Variants in CAPZB observed in about 807,000 individuals in gnomAD.
CAPZB encodes the protein F-actin-capping protein subunit beta.
CAPZB carries 2 observed loss-of-function variants against 38.1 expected under a neutral mutation model. The ratio of observed to expected loss-of-function variants is 0.05; its 90% CI spans 0.02 to 0.17. The LOEUF (loss-of-function observed/expected upper bound fraction) is 0.17, where lower values mean the gene tolerates loss of function less well. Ranked by LOEUF, CAPZB falls within the 10% of genes least tolerant of loss-of-function variation. The probability of loss-of-function intolerance (pLI) is 1.00; values close to 1 mark genes in which losing one functional copy is unlikely to be tolerated. For synonymous variants in CAPZB, 107 were observed against 127.4 expected (o/e 0.84, Z 1.08); for missense variants, 161 against 334.2 (o/e 0.48, Z 4.04).
intron 2 of CAPZB, among the ~76,000 whole-genome samples, chr1:19,388,693 G>C (rs1488278506): frequency 6.6e-6 from 1 of 152,226 alleles, no homozygotes; most frequent in African/African-American, 2.4e-5. Context: ...TTGGTGGAAA[G>C]AGTGAGAACT....
intron 1 of CAPZB, among the ~76,000 whole-genome samples, chr1:19,441,702 C>A (rs923932695): frequency 9.2e-5 from 14 of 151,544 alleles, no homozygotes; most frequent in Non-Finnish European, 1.6e-4. Context: ...ACAGCAGCAC[C>A]AAGCGGCTCA....
intron 1 of CAPZB, among the ~76,000 whole-genome samples, chr1:19,427,432 C>T (rs957956125): frequency 5.9e-5 from 9 of 152,316 alleles, no homozygotes; most frequent in Non-Finnish European, 1.3e-4. Flanking sequence ...GAATGACTTA[C>T]CACAAATTTA....
chr1:19,450,161 A>G (rs1179017856), intron 1 of CAPZB, among the ~76,000 whole-genome samples: 1 of 132,606 alleles, frequency 7.5e-6, no homozygotes, highest in African/African-American at 2.9e-5. Flanking sequence ...AAAAAAAAAA[A>G]AAAAAAAAGA....
In CAPZB at chr1:19,400,411, C is replaced by T. The variant is rs1194845701; in HGVS notation, c.94-14785G>A. ...ACATCAGGGAAGCAGACTGAGCGTG[C>T]CATGCCCTCCTCAAGTATTTTTAAC... is the stretch of plus-strand genomic sequence containing the variant. On this transcript the variant is annotated intron_variant, in intron 2 of 8. Transcript: ENST00000264202. Among the ~76,000 whole-genome samples, 11 of 152,310 alleles carry T rather than the reference C, an allele frequency of 7.2e-5. No individual in the cohort carries two copies. In the East Asian group the frequency reaches 9.7e-4, roughly 13 times the overall value.
intron 2 of CAPZB, among the ~76,000 whole-genome samples, chr1:19,387,564 T>C (rs1322690073): frequency 6.6e-6 from 1 of 152,216 alleles, no homozygotes; most frequent in Non-Finnish European, 1.5e-5. Flanking sequence ...GGCTTATCTG[T>C]TGGGCCTCAA....
intron 1 of CAPZB, among the ~76,000 whole-genome samples, chr1:19,451,763 C>CTATG (rs2094516937): frequency 6.6e-6 from 1 of 151,898 alleles, no homozygotes; most frequent in African/African-American, 2.4e-5. Flanking sequence ...TTATTATGGC[C>CTATG]TCCACCTCTC....
chr1:19,397,114 T>C (rs919321164), intron 2 of CAPZB, among the ~76,000 whole-genome samples: 6 of 152,210 alleles, frequency 3.9e-5, no homozygotes, highest in African/African-American at 1.4e-4. Context: ...GTCCTCTCGT[T>C]TAAGTGAAAA....
chr1:19,469,302 T>C (rs1438462778), intron 1 of CAPZB, among the ~76,000 whole-genome samples: 2 of 152,224 alleles, frequency 1.3e-5, no homozygotes, highest in Non-Finnish European at 1.5e-5. Context: ...GATGACTATA[T>C]GTTTATTTCA....
chr1:19,432,303 G>T (rs1291551111), intron 1 of CAPZB, among the ~76,000 whole-genome samples: 1 of 151,926 alleles, frequency 6.6e-6, no homozygotes, highest in East Asian at 1.9e-4. Flanking sequence ...TTAGCCAGGC[G>T]TGGTGGTGTA....
Position 19,398,682 on chromosome 1 carries a change from T to C in CAPZB, c.94-13056A>G, listed in dbSNP as rs143674606. Among the ~76,000 whole-genome samples the C allele has an allele frequency of 1.0e-3, 153 of 151,714 alleles. 1 individual carries two copies. Among genetic ancestry groups the C allele is most frequent in the Non-Finnish European group, 1.0e-3 (71 of 67,926 alleles). The stretch of plus-strand genomic sequence containing the variant: ...TGCTGTAATTTCACTGAGTCACCCA[T>C]AGAAACGACCAAGCAGGGGAGACTG... On this transcript the variant is annotated intron_variant, in intron 2 of 8. Transcript: ENST00000264202.
At chr1:19,475,282 T>C (rs2094602976) in intron 1 of CAPZB, among the ~76,000 whole-genome samples, 1 of 152,216 alleles carries the variant, frequency 6.6e-6, no homozygotes, top group South Asian at 2.1e-4. Context: ...CCCTGGTCTA[T>C]ACATCTTGGA....
chr1:19,401,656 T>A (rs1325569344), intron 2 of CAPZB, among the ~76,000 whole-genome samples: 1 of 152,210 alleles, frequency 6.6e-6, no homozygotes, highest in Non-Finnish European at 1.5e-5. Context: ...GCTCTTCTGG[T>A]GTTTTAAGGC....
chr1:19,438,866 C>A (rs2094466737), intron 1 of CAPZB, among the ~76,000 whole-genome samples: 1 of 152,210 alleles, frequency 6.6e-6, no homozygotes, highest in South Asian at 2.1e-4. Context: ...TAGGAACGGT[C>A]GCTCCCTCCC....
At chr1:19,394,577 C>T (rs572369180) in intron 2 of CAPZB, among the ~76,000 whole-genome samples, 6 of 152,210 alleles carry the variant, frequency 3.9e-5, no homozygotes, top group African/African-American at 1.4e-4. Context: ...AAAAATTAGC[C>T]GGGCGTGGTG....
At chr1:19,454,287 T>C (rs1014893578) in intron 1 of CAPZB, among the ~76,000 whole-genome samples, 1 of 152,164 alleles carries the variant, frequency 6.6e-6, no homozygotes, top group East Asian at 1.9e-4. Context: ...GTCCCTCAGG[T>C]GGGCTGAAGA....
At chr1:19,481,751 G>A (rs1162472536) in intron 1 of CAPZB, among the ~76,000 whole-genome samples, 1 of 152,140 alleles carries the variant, frequency 6.6e-6, no homozygotes, top group Middle Eastern at 3.2e-3. Flanking sequence ...ACCCCAAAAG[G>A]CCTGGGAGTG....
intron 2 of CAPZB, among the ~76,000 whole-genome samples, chr1:19,398,531 C>T (rs1054646008): frequency 2.6e-5 from 4 of 152,134 alleles, no homozygotes; most frequent in Admixed American, 6.5e-5. Context: ...AGTGGGGGAG[C>T]GGGTGCTAAG....
intron 1 of CAPZB, among the ~76,000 whole-genome samples, chr1:19,442,955 ATCCTATCAG>A (rs2094483355): frequency 6.6e-6 from 1 of 152,166 alleles, no homozygotes; most frequent in Non-Finnish European, 1.5e-5. Context: ...ACTTGCATCC[ATCCTATCAG>A]CGTCCAGAGG....
At chr1:19,387,426 C>T (rs900981575) in intron 2 of CAPZB, among the ~76,000 whole-genome samples, 2 of 152,256 alleles carry the variant, frequency 1.3e-5, no homozygotes, top group African/African-American at 2.4e-5. Flanking sequence ...GGTCTAACAG[C>T]TTCCACCCGA....
Sources: allele counts gnomAD v4.1 joint callset (sites outside exome capture counted in the v4.1 genomes callset), GRCh38; gene constraint gnomAD v4.1.1; transcripts MANE v1.5; gene names NCBI Gene and HGNC (gene_info 2026-07-23, HGNC 2026-07-21).